Variants in LAMA1 observed in about 807,000 individuals in gnomAD.
LAMA1 encodes the protein laminin subunit alpha 1.
Under a neutral mutation model 348.7 loss-of-function variants are expected in LAMA1, and 219 were observed. The ratio of observed to expected loss-of-function variants is 0.63; its 90% CI spans 0.56 to 0.70. LAMA1 has a LOEUF of 0.70. Among genes scored for constraint, LAMA1 ranks in the 30% least tolerant of loss-of-function variants. LAMA1 has a pLI of 0.00. For synonymous variants in LAMA1, 1,487 were observed against 1,491.0 expected, an observed-to-expected ratio of 1.00 and a Z score of 0.06; for missense variants, 3,744 against 3,888.0, an observed-to-expected ratio of 0.96 and a Z score of 0.99.
rs549469883 is a variant in LAMA1, at chr18:7,083,884, A to G, written c.62-3427T>C. On this transcript the variant is annotated intron_variant, in intron 1 of 62. Coordinates refer to ENST00000389658, the MANE Select transcript of LAMA1 (RefSeq NM_005559.4). ...TCAGGAGTTCGAGACCAGCCTGGCC[A>G]CCATGGTAAAACTCCATCTCTACTA... is the stretch of plus-strand genomic sequence containing the variant. Among the ~76,000 whole-genome samples the G allele has an allele frequency of 5.2e-3, 791 of 152,106 alleles. 6 individuals are homozygous for G. Among genetic ancestry groups the G allele is most frequent in the Non-Finnish European group, 7.8e-3 (530 of 67,996 alleles).
intron 1 of LAMA1, among the ~76,000 whole-genome samples, chr18:7,106,514 C>A (rs1283564665): frequency 1.3e-5 from 2 of 152,046 alleles, no homozygotes; most frequent in African/African-American, 4.8e-5. Context: ...TGTGCACCAC[C>A]ACTCCCAGCT....
Position 6,943,196 on chromosome 18 carries a change from A to T in LAMA1, c.9051T>A (p.Tyr3017Ter). ...STSVDTNNPI[Y>*]VGGYPAGVKQ... is the part of the protein sequence containing the mutation. ...CGTACATACCAGGATAGCCACCAAC[A>T]TAAATGGGATTGTTGGTGTCCACTG... The change falls in exon 62 of 63, where the codon TAT (tyrosine) becomes TAA (stop). Residue 3017 changes from tyrosine to a stop codon, truncating the protein, a stop_gained. Coordinates refer to ENST00000389658, the MANE Select transcript of LAMA1 (RefSeq NM_005559.4). LOFTEE classifies it low-confidence loss of function (END_TRUNC). 6.2e-7 allele frequency: 1 copy of T among 1,614,210 alleles called. No homozygotes were observed. Among genetic ancestry groups the T allele is most frequent in the Non-Finnish European group, 8.5e-7 (1 of 1,180,032 alleles).
intron 1 of LAMA1, among the ~76,000 whole-genome samples, chr18:7,099,740 C>A (rs1598319911): frequency 6.6e-6 from 1 of 151,764 alleles, no homozygotes; most frequent in African/African-American, 2.4e-5. Context: ...TATGGCACTA[C>A]AAAACATACC....
At chr18:6,981,293 A>G (rs1286867321) in intron 41 of LAMA1, among the ~76,000 whole-genome samples, 1 of 152,066 alleles carries the variant, frequency 6.6e-6, no homozygotes, top group East Asian at 1.9e-4. Flanking sequence ...TTCCCATCTG[A>G]ATCCTGGCCA....
intron 19 of LAMA1, among the ~76,000 whole-genome samples, chr18:7,020,259 AC>A (rs1340670341): frequency 6.6e-6 from 1 of 152,108 alleles, no homozygotes; most frequent in African/African-American, 2.4e-5. Context: ...CCGCTGCCCC[AC>A]AGCAGAGGCA....
intron 50 of LAMA1, 27 bp downstream of exon 50, chr18:6,965,261 A>T: frequency 6.2e-7 from 1 of 1,614,036 alleles, no homozygotes; most frequent in Non-Finnish European, 8.5e-7. Flanking sequence ...GGTGACCGAC[A>T]TCTGGTGAGT....
At chr18:7,068,956 T>C (rs2058134896) in intron 3 of LAMA1, among the ~76,000 whole-genome samples, 1 of 152,198 alleles carries the variant, frequency 6.6e-6, no homozygotes, top group African/African-American at 2.4e-5. Flanking sequence ...ACAAAAATCT[T>C]TACTTTGATG....
At chr18:7,062,044 C>A (rs148218190) in intron 3 of LAMA1, among the ~76,000 whole-genome samples, 1 of 152,316 alleles carries the variant, frequency 6.6e-6, no homozygotes. Flanking sequence ...CGCCCACTAA[C>A]AATTTTTCAC....
Position 6,979,197 on chromosome 18 carries a change from GA to G in LAMA1, c.6008-820del, listed in dbSNP as rs890513862. Among the ~76,000 whole-genome samples, 101 of 149,450 alleles carry G rather than the reference GA, an allele frequency of 6.8e-4. 1 individual carries two copies. The highest frequency in any genetic ancestry group is 1.1e-3 in the Admixed American group (16 of 14,972). ...TGGCATCCTTATAAAAAAAGAAAAG[GA>G]AAAAAAAAATCTTCCGGATCAGAAA... On this transcript the variant is annotated intron_variant, in intron 42 of 62. Coordinates refer to ENST00000389658, the MANE Select transcript of LAMA1 (RefSeq NM_005559.4).
chr18:7,101,033 A>AGACTCCATTTTGTAT (rs2058289392), intron 1 of LAMA1, among the ~76,000 whole-genome samples: 1 of 152,192 alleles, frequency 6.6e-6, no homozygotes, highest in Non-Finnish European at 1.5e-5. Flanking sequence ...CTCAAAAAAA[A>AGACTCCATTTTGTAT]GACTCCATTT....
chr18:7,064,622 G>A (rs956408654), intron 3 of LAMA1, among the ~76,000 whole-genome samples: 1 of 152,098 alleles, frequency 6.6e-6, no homozygotes, highest in African/African-American at 2.4e-5. Context: ...CAGCAAGTTC[G>A]GGCAGCCCCA....
chr18:6,982,604 C>T lies in LAMA1; in HGVS notation c.5797-14G>A. ...GGATTCTGAGAGCTGGAAAACAGAA[C>T]CACTTAAGCGTGGTGAGAGCAGGGC... is the stretch of plus-strand genomic sequence containing the variant. On this transcript the variant is annotated splice_polypyrimidine_tract_variant and intron_variant, in intron 40 of 62. Coordinates refer to ENST00000389658, the MANE Select transcript of LAMA1 (RefSeq NM_005559.4). The T allele has an allele frequency of 6.2e-7, 1 of 1,611,766 alleles. No individual in the cohort carries two copies. Among genetic ancestry groups the T allele is most frequent in the Non-Finnish European group, 8.5e-7 (1 of 1,177,878 alleles).
At chr18:6,956,393 A>G (rs769095988) in intron 56 of LAMA1, 2 of 671,450 alleles carry the variant, frequency 3.0e-6, no homozygotes, top group Non-Finnish European at 5.5e-6. Flanking sequence ...CATATTATAC[A>G]TCAGCCCAAT....
At chr18:7,057,871 T>G (rs1391635093) in intron 3 of LAMA1, among the ~76,000 whole-genome samples, 1 of 151,806 alleles carries the variant, frequency 6.6e-6, no homozygotes, top group Non-Finnish European at 1.5e-5. Flanking sequence ...CTCCGCTCAC[T>G]GCAACCTCCA....
chr18:7,035,718 C>G (rs2057991466), intron 13 of LAMA1, among the ~76,000 whole-genome samples: 1 of 152,152 alleles, frequency 6.6e-6, no homozygotes, highest in Non-Finnish European at 1.5e-5. Context: ...AGCCCAGCTC[C>G]CTTTCTTTTT....
At chr18:7,019,951 A>C (rs1022786633) in intron 19 of LAMA1, among the ~76,000 whole-genome samples, 1 of 151,904 alleles carries the variant, frequency 6.6e-6, no homozygotes, top group African/African-American at 2.4e-5. Context: ...CAAAGTGCTG[A>C]GATTACAGGT....
At chr18:6,966,607 C>T (rs1428431718) in intron 48 of LAMA1, among the ~76,000 whole-genome samples, 3 of 152,114 alleles carry the variant, frequency 2.0e-5, no homozygotes, top group Admixed American at 6.5e-5. Flanking sequence ...ATTCTAATCT[C>T]CTTTAATATA....
Position 6,978,313 on chromosome 18 carries a change from T to G in LAMA1, c.6073A>C (p.Thr2025Pro). The G allele has an allele frequency of 6.2e-7, 1 of 1,614,262 alleles. No individual in the cohort carries two copies. Among genetic ancestry groups the G allele is most frequent in the Non-Finnish European group, 8.5e-7 (1 of 1,180,048 alleles). The stretch of plus-strand genomic sequence containing the variant: ...CTCAGCCCCGCCACGTCCCTCAGCG[T>G]GCTCACCGCGCTCTGGCTTGCAGAC... The part of the protein sequence containing the change: ...ATSASQSAVS[T>P]LRDVAGLSQE... Residue 2025 changes from threonine to proline, a missense_variant, in exon 43 of 63, where the codon ACG becomes CCG. This residue lies in a region of LAMA1 where 1,983 missense variants were observed against 1,934.3 expected (regional missense o/e 1.03). Coordinates refer to ENST00000389658, the MANE Select transcript of LAMA1 (RefSeq NM_005559.4).
At chr18:6,989,714 G>A (rs2057750482) in intron 36 of LAMA1, among the ~76,000 whole-genome samples, 1 of 152,030 alleles carries the variant, frequency 6.6e-6, no homozygotes, top group African/African-American at 2.4e-5. Flanking sequence ...GTGGGGGTGG[G>A]GGCTGGCCCT....
Sources: gnomAD v4.1 joint callset for allele counts (sites outside exome capture counted in the v4.1 genomes callset) on GRCh38, gnomAD v4.1.1 for gene constraint, gnomAD v4.1.1 regional missense constraint, MANE v1.5 for transcripts, NCBI Gene and HGNC (gene_info 2026-07-23, HGNC 2026-07-21) for gene names.